Variants in SLC16A12 observed in about 807,000 individuals in gnomAD.
SLC16A12 encodes solute carrier family 16 member 12, also known as monocarboxylate transporter 12.
A neutral mutation model predicts 42.4 loss-of-function variants in SLC16A12; 17 were observed. That is an observed-to-expected ratio of 0.40 (90% CI 0.27 to 0.60). The LOEUF (loss-of-function observed/expected upper bound fraction) is 0.60. SLC16A12 is among the 20% of genes least tolerant of loss of function. The pLI, the probability that SLC16A12 is intolerant of heterozygous loss-of-function variation, is 0.42. For missense variants in SLC16A12, 544 were observed against 623.0 expected (o/e 0.87, Z 1.35); for synonymous variants, 224 against 229.4 (o/e 0.98, Z 0.21).
intron 4 of SLC16A12, among the ~76,000 whole-genome samples, chr10:89,441,592 T>C (rs888448514): frequency 1.3e-5 from 2 of 152,180 alleles, no homozygotes; most frequent in Non-Finnish European, 2.9e-5. Context: ...ATGCTTACTA[T>C]AGTGTTGATC....
At chr10:89,509,321 G>A (rs530862297) in intron 2 of SLC16A12, among the ~76,000 whole-genome samples, 1 of 152,240 alleles carries the variant, frequency 6.6e-6, no homozygotes, top group East Asian at 1.9e-4. Flanking sequence ...TATCCCTGAC[G>A]AACATCAACG....
In SLC16A12 at chr10:89,534,517, A is replaced by T. The variant is rs188006700; in HGVS notation, c.-63T>A. Reference sequence around the variant, plus strand: ...AGGACTCACCTGACTAGACATTTTTAAAAATTATGGCCAGGCACGGTGGCT... The same window carrying T: ...AGGACTCACCTGACTAGACATTTTTTAAAATTATGGCCAGGCACGGTGGCT... On this transcript the variant is annotated 5_prime_UTR_variant, in exon 2 of 8. Coordinates refer to ENST00000371790, the MANE Select transcript of SLC16A12 (RefSeq NM_213606.4). The T allele has an allele frequency of 1.3e-5, 2 of 152,174 alleles. No homozygotes were observed. The highest frequency in any genetic ancestry group is 2.4e-5 in the African/African-American group (1 of 41,470). 9.4% of individuals were successfully genotyped at this position (152,174 alleles called of 1,614,324 possible).
chr10:89,481,531 C>T (rs1206824251), intron 2 of SLC16A12, among the ~76,000 whole-genome samples: 1 of 152,058 alleles, frequency 6.6e-6, no homozygotes, highest in Non-Finnish European at 1.5e-5. Flanking sequence ...GTTTCCCCCT[C>T]ACTTTTTATC....
chr10:89,512,793 C>T (rs1194282851), intron 2 of SLC16A12, among the ~76,000 whole-genome samples: 1 of 152,146 alleles, frequency 6.6e-6, no homozygotes, highest in Non-Finnish European at 1.5e-5. Context: ...AGCAAAAGAT[C>T]GAACCCAAGA....
At chr10:89,511,145 G>A (rs897848840) in intron 2 of SLC16A12, among the ~76,000 whole-genome samples, 1 of 152,202 alleles carries the variant, frequency 6.6e-6, no homozygotes, top group Non-Finnish European at 1.5e-5. Context: ...GCGTAAATTA[G>A]TTCAACCATT....
At chr10:89,446,283 G>A (rs1842000490) in intron 3 of SLC16A12, among the ~76,000 whole-genome samples, 1 of 152,034 alleles carries the variant, frequency 6.6e-6, no homozygotes, top group African/African-American at 2.4e-5. Context: ...CTTGAGAAGA[G>A]CAACCCCAAG....
chr10:89,434,220 T>C (rs1263038599), intron 7 of SLC16A12, among the ~76,000 whole-genome samples: 2 of 152,202 alleles, frequency 1.3e-5, no homozygotes, highest in Non-Finnish European at 2.9e-5. Context: ...TGCAATTCTA[T>C]AGCACCAAAC....
At chr10:89,481,838 T>C (rs1209245835) in intron 2 of SLC16A12, among the ~76,000 whole-genome samples, 1 of 152,172 alleles carries the variant, frequency 6.6e-6, no homozygotes, top group East Asian at 1.9e-4. Flanking sequence ...ACAACTGCAC[T>C]ACACAGAATG....
chr10:89,498,129 C>T (rs1842948726), intron 2 of SLC16A12, among the ~76,000 whole-genome samples: 1 of 152,010 alleles, frequency 6.6e-6, no homozygotes, highest in South Asian at 2.1e-4. Flanking sequence ...TGGCGAAACC[C>T]AAACTCTACT....
intron 2 of SLC16A12, among the ~76,000 whole-genome samples, chr10:89,497,479 C>T (rs1842937095): frequency 6.6e-6 from 1 of 151,972 alleles, no homozygotes; most frequent in Non-Finnish European, 1.5e-5. Flanking sequence ...CAGGTCTTTT[C>T]AAATGAAAAA....
At chr10:89,537,136 C>G (rs1389672999), upstream of SLC16A12, among the ~76,000 whole-genome samples, 1 of 143,284 alleles carries the variant, frequency 7.0e-6, no homozygotes, top group Non-Finnish European at 1.5e-5. Context: ...AGCAAGGCAC[C>G]GTAGGTATGT....
intron 2 of SLC16A12, among the ~76,000 whole-genome samples, chr10:89,480,272 G>C (rs970402598): frequency 3.3e-5 from 5 of 152,166 alleles, no homozygotes; most frequent in African/African-American, 1.2e-4. Context: ...GACATATCTG[G>C]CTTGGAAACT....
chr10:89,552,338 A>G (rs1843776157), intron 2 of SLC16A12, among the ~76,000 whole-genome samples: 1 of 152,252 alleles, frequency 6.6e-6, no homozygotes. Context: ...AGTTATATTA[A>G]AGCTTAAATA....
chr10:89,468,160 C>T (rs745329890), intron 2 of SLC16A12: 1 of 152,112 alleles, frequency 6.6e-6, no homozygotes, highest in Non-Finnish European at 1.5e-5. Context: ...GGTGATAGCA[C>T]GATGAACAAA....
chr10:89,505,801 G>A (rs918991094), intron 2 of SLC16A12, among the ~76,000 whole-genome samples: 1 of 152,190 alleles, frequency 6.6e-6, no homozygotes, highest in African/African-American at 2.4e-5. Context: ...CAGGTTCCAC[G>A]CCCACAGAGC....
intron 1 of SLC16A12, among the ~76,000 whole-genome samples, chr10:89,534,922 A>C (rs1020780629): frequency 6.6e-6 from 1 of 152,152 alleles, no homozygotes; most frequent in Non-Finnish European, 1.5e-5. Context: ...ATTGTGCTTC[A>C]AAATTTTGTT....
intron 3 of SLC16A12, among the ~76,000 whole-genome samples, chr10:89,450,618 G>C (rs1235195982): frequency 6.6e-6 from 1 of 152,214 alleles, no homozygotes; most frequent in Non-Finnish European, 1.5e-5. Context: ...GGGGTCAGGG[G>C]ATGGGGGAGG....
chr10:89,442,195 G>A (rs192565788), intron 4 of SLC16A12, among the ~76,000 whole-genome samples: 1 of 152,182 alleles, frequency 6.6e-6, no homozygotes, highest in Non-Finnish European at 1.5e-5. Flanking sequence ...TACCTTCTCT[G>A]TTCATCACAG....
At chr10:89,541,442 T>A (rs1490616921) in intron 2 of SLC16A12, among the ~76,000 whole-genome samples, 1 of 152,050 alleles carries the variant, frequency 6.6e-6, no homozygotes, top group Non-Finnish European at 1.5e-5. Context: ...AAAAAAATTT[T>A]AAAAATTAGC....
Sources: gnomAD v4.1 joint callset for allele counts (sites outside exome capture counted in the v4.1 genomes callset) on GRCh38, gnomAD v4.1.1 for gene constraint, MANE v1.5 for transcripts, NCBI Gene and HGNC (gene_info 2026-07-23, HGNC 2026-07-21) for gene names.